GRID2: variants seen among roughly 807,000 people sequenced by gnomAD.
GRID2 encodes glutamate ionotropic receptor delta type subunit 2.
Under a neutral mutation model 114.8 loss-of-function variants are expected in GRID2, and 33 were observed. The ratio of observed to expected loss-of-function variants is 0.29; its 90% CI spans 0.22 to 0.38. The LOEUF (loss-of-function observed/expected upper bound fraction) is 0.38, where lower values mean the gene tolerates loss of function less well. Ranked by LOEUF, GRID2 falls within the 10% of genes least tolerant of loss-of-function variation. The pLI, the probability that GRID2 is intolerant of heterozygous loss-of-function variation, is 1.00. For missense variants in GRID2, 1,184 were observed against 1,257.7 expected (o/e 0.94, Z 0.89); for synonymous variants, 505 against 449.9 (o/e 1.12, Z -1.55).
At chr4:92,983,186 A>G (rs2149191109) in intron 2 of GRID2, among the ~76,000 whole-genome samples, 1 of 152,182 alleles carries the variant, frequency 6.6e-6, no homozygotes, top group Middle Eastern at 3.4e-3. Flanking sequence ...ATATAACAGA[A>G]TACAAGAGGA....
intron 1 of GRID2, among the ~76,000 whole-genome samples, chr4:92,471,376 A>G (rs1333079735): frequency 6.6e-6 from 1 of 152,042 alleles, no homozygotes; most frequent in African/African-American, 2.4e-5. Flanking sequence ...TCATTTTATA[A>G]TTGAGGAAGT....
intron 2 of GRID2, among the ~76,000 whole-genome samples, chr4:92,709,280 A>T (rs552089796): frequency 6.6e-6 from 1 of 152,256 alleles, no homozygotes; most frequent in African/African-American, 2.4e-5. Flanking sequence ...AGTAATTATT[A>T]AATAAGTAGG....
intron 9 of GRID2, among the ~76,000 whole-genome samples, chr4:93,398,133 G>GTGTGTGTGTATGTATA: frequency 1.6e-5 from 2 of 122,332 alleles, no homozygotes; most frequent in African/African-American, 3.9e-5. Context: ...ATGTGTGTGT[G>GTGTGTGTGTATGTATA]TATATATATA....
chr4:92,932,885 C>T (rs1258451626), intron 2 of GRID2, among the ~76,000 whole-genome samples: 2 of 151,004 alleles, frequency 1.3e-5, no homozygotes, highest in Non-Finnish European at 3.0e-5. Flanking sequence ...AGTAGGCAAA[C>T]TATTGTGATA....
chr4:92,987,772 T>C (rs971645998), intron 2 of GRID2, among the ~76,000 whole-genome samples: 2 of 151,878 alleles, frequency 1.3e-5, no homozygotes, highest in African/African-American at 4.8e-5. Context: ...ACAAAAAATA[T>C]ATACTTGTAG....
chr4:92,638,666 G>T (rs368695876), intron 2 of GRID2, among the ~76,000 whole-genome samples: 1 of 149,722 alleles, frequency 6.7e-6, no homozygotes, highest in African/African-American at 2.4e-5. Flanking sequence ...CAAATTAATT[G>T]AAATATGTAA....
intron 1 of GRID2, among the ~76,000 whole-genome samples, chr4:92,343,941 A>G (rs1008937570): frequency 3.9e-5 from 6 of 152,216 alleles, no homozygotes; most frequent in African/African-American, 1.4e-4. Context: ...GAAAAAGTAT[A>G]TTTTATGTTA....
chr4:92,865,165 C>A (rs192951592), intron 2 of GRID2, among the ~76,000 whole-genome samples: 95 of 152,270 alleles, frequency 6.2e-4, no homozygotes, highest in Admixed American at 2.8e-3. Flanking sequence ...GGAATTATTT[C>A]TACAGAACCC....
At chr4:93,305,506 G>C (rs1755325754) in intron 8 of GRID2, among the ~76,000 whole-genome samples, 1 of 152,132 alleles carries the variant, frequency 6.6e-6, no homozygotes, top group African/African-American at 2.4e-5. Context: ...ATAGTTTTAG[G>C]AGGTTCTTTC....
intron 13 of GRID2, among the ~76,000 whole-genome samples, chr4:93,564,071 G>C (rs1434951730): frequency 4.0e-5 from 6 of 151,828 alleles, no homozygotes. Flanking sequence ...TAAATATATA[G>C]AAACTTGGCC....
At chr4:93,286,948 A>T (rs1022116680) in intron 8 of GRID2, among the ~76,000 whole-genome samples, 2 of 152,146 alleles carry the variant, frequency 1.3e-5, no homozygotes, top group Admixed American at 1.3e-4. Flanking sequence ...TTTTGACTTC[A>T]TTCTAGCTGA....
intron 1 of GRID2, among the ~76,000 whole-genome samples, chr4:92,484,649 A>T (rs1722778890): frequency 6.6e-6 from 1 of 152,096 alleles, no homozygotes; most frequent in Non-Finnish European, 1.5e-5. Flanking sequence ...AAATTGAAGC[A>T]GTACATCAGA....
intron 8 of GRID2, among the ~76,000 whole-genome samples, chr4:93,258,648 T>A (rs1360875858): frequency 6.6e-6 from 1 of 151,798 alleles, no homozygotes; most frequent in East Asian, 1.9e-4. Context: ...ATGGTGCTTA[T>A]CTTGACCCAA....
intron 14 of GRID2, among the ~76,000 whole-genome samples, chr4:93,715,698 GA>G (rs973506608): frequency 1.3e-5 from 2 of 152,134 alleles, no homozygotes; most frequent in Non-Finnish European, 2.9e-5. Flanking sequence ...TGGCAGTTGT[GA>G]ATGGGAGTTC....
chr4:93,048,467 C>G (rs1288140868), intron 2 of GRID2, among the ~76,000 whole-genome samples: 1 of 151,996 alleles, frequency 6.6e-6, no homozygotes, highest in Non-Finnish European at 1.5e-5. Context: ...TGTGGGACTT[C>G]TGAACAAACT....
At chr4:92,545,334 G>T (rs374347269) in intron 1 of GRID2, among the ~76,000 whole-genome samples, 1 of 152,162 alleles carries the variant, frequency 6.6e-6, no homozygotes, top group Admixed American at 6.5e-5. Context: ...AGCTGCCTAT[G>T]AATATCATAG....
intron 1 of GRID2, among the ~76,000 whole-genome samples, chr4:92,588,481 C>G (rs1728555381): frequency 6.6e-6 from 1 of 151,102 alleles, no homozygotes; most frequent in African/African-American, 2.4e-5. Context: ...TCGAAACCAT[C>G]CTGGCTAACA....
chr4:93,677,217 G>C (rs1724973541), intron 14 of GRID2, among the ~76,000 whole-genome samples: 1 of 152,232 alleles, frequency 6.6e-6, no homozygotes, highest in South Asian at 2.1e-4. Context: ...GTGGCAGTGA[G>C]GCTGGGGGAG....
intron 4 of GRID2, among the ~76,000 whole-genome samples, chr4:93,168,528 A>G (rs917992818): frequency 3.3e-5 from 5 of 152,114 alleles, no homozygotes; most frequent in African/African-American, 1.2e-4. Context: ...TGTACTATTA[A>G]TAAGAAATCA....
Sources: allele counts gnomAD v4.1 joint callset (sites outside exome capture counted in the v4.1 genomes callset), GRCh38; gene constraint gnomAD v4.1.1; transcripts MANE v1.5; gene names NCBI Gene and HGNC (gene_info 2026-07-23, HGNC 2026-07-21).